The following CNKSR2 variants were observed in gnomAD, a reference collection of about 807,000 sequenced individuals.
CNKSR2 encodes the protein connector enhancer of kinase suppressor of Ras 2.
Under a neutral mutation model 84.4 loss-of-function variants are expected in CNKSR2, and 14 were observed. The ratio of observed to expected loss-of-function variants is 0.17; its 90% CI spans 0.11 to 0.26. The LOEUF (loss-of-function observed/expected upper bound fraction) is 0.26. Among genes scored for constraint, CNKSR2 ranks in the 10% least tolerant of loss-of-function variants. The probability of loss-of-function intolerance (pLI) is 1.00; values close to 1 mark genes in which losing one functional copy is unlikely to be tolerated. For missense variants in CNKSR2, 485 were observed against 771.2 expected (o/e 0.63, Z 4.40); for synonymous variants, 275 against 277.9 (o/e 0.99, Z 0.10).
intron 18 of CNKSR2, among the ~76,000 whole-genome samples, chrX:21,605,191 C>T (rs1489826189): frequency 9.0e-6 from 1 of 111,689 alleles, no homozygotes; most frequent in Non-Finnish European, 1.9e-5. Flanking sequence ...CGAACCTACA[C>T]CTGTCTGACT....
intron 11 of CNKSR2, among the ~76,000 whole-genome samples, chrX:21,540,745 G>T (rs1014377909): frequency 3.6e-5 from 4 of 111,620 alleles, no homozygotes; most frequent in African/African-American, 6.5e-5. Context: ...CAGATCATCT[G>T]TTTACTCAAA....
rs756099367 is a variant in CNKSR2 at position 21,389,700 on chromosome X, C to A, written c.64+14739C>A. On this transcript the variant is annotated intron_variant, in intron 1 of 21. Coordinates refer to ENST00000379510, the MANE Select transcript of CNKSR2 (RefSeq NM_014927.5). The stretch of plus-strand genomic sequence containing the variant: ...ATCATTGTGATAACCCAGTACTACT[C>A]ATAATTCTCAAAATGCTCCCAGGAA... Among the ~76,000 whole-genome samples, 6 of 112,299 alleles carry A rather than the reference C, an allele frequency of 5.3e-5. No homozygotes were observed. In the East Asian group the frequency reaches 1.7e-3, roughly 31 times the overall value.
intron 5 of CNKSR2, 137 bp from the exon 6 acceptor site, chrX:21,490,322 C>A (rs986073695): frequency 7.3e-6 from 4 of 551,408 alleles, no homozygotes; most frequent in African/African-American, 7.0e-5. Context: ...TTTCTTTGTA[C>A]AGATTTTACA....
chrX:21,651,132 A>G (rs911767292), intron 21 of CNKSR2, among the ~76,000 whole-genome samples: 2 of 111,729 alleles, frequency 1.8e-5, no homozygotes, highest in African/African-American at 6.5e-5. Flanking sequence ...GTGACAAAAT[A>G]TATGGCTACT....
intron 20 of CNKSR2, chrX:21,641,678 A>T: frequency 9.0e-7 from 1 of 1,112,003 alleles, no homozygotes; most frequent in Non-Finnish European, 1.2e-6. Context: ...CAGACTCAAC[A>T]TCAACCTCTT....
At chrX:21,493,211 T>C (rs2091460384) in intron 6 of CNKSR2, 1 of 112,356 alleles carries the variant, frequency 8.9e-6, no homozygotes, top group African/African-American at 3.2e-5. Context: ...TGAAACTTTC[T>C]TCTAAAGTGC....
intron 20 of CNKSR2, among the ~76,000 whole-genome samples, chrX:21,639,184 AAAAGG>A: frequency 8.9e-6 from 1 of 112,355 alleles, no homozygotes; most frequent in Non-Finnish European, 1.9e-5. Flanking sequence ...AAAGGGAGAG[AAAAGG>A]AAAGAGTGTT....
At chrX:21,650,151 A>T (rs1287565853) in intron 21 of CNKSR2, among the ~76,000 whole-genome samples, 1 of 111,570 alleles carries the variant, frequency 9.0e-6, no homozygotes, top group Non-Finnish European at 1.9e-5. Context: ...CACTGTTCAC[A>T]ATAGCAAAGA....
intron 20 of CNKSR2, among the ~76,000 whole-genome samples, chrX:21,613,910 G>A (rs1430920761): frequency 2.9e-5 from 3 of 103,460 alleles, no homozygotes; most frequent in Admixed American, 1.1e-4. Flanking sequence ...CTGCACTCCA[G>A]CCTGGATGAC....
At chrX:21,545,517 C>T (rs1391592842) in intron 11 of CNKSR2, among the ~76,000 whole-genome samples, 1 of 112,258 alleles carries the variant, frequency 8.9e-6, no homozygotes, top group Non-Finnish European at 1.9e-5. Context: ...ACATTCCTGT[C>T]TGCCAGCTCT....
At chrX:21,590,681 C>G in intron 14 of CNKSR2, 61 bp downstream of exon 14, 1 of 1,083,125 alleles carries the variant, frequency 9.2e-7, no homozygotes, top group Non-Finnish European at 1.3e-6. Context: ...CCCCAACACA[C>G]TTCATCCATG....
chrX:21,570,476 T>C (rs1043773711), intron 13 of CNKSR2, among the ~76,000 whole-genome samples: 1 of 111,940 alleles, frequency 8.9e-6, no homozygotes, highest in Non-Finnish European at 1.9e-5. Context: ...GGGAATGTTA[T>C]GGCTGGTTTG....
chrX:21,558,310 G>A (rs1196290399), intron 11 of CNKSR2, among the ~76,000 whole-genome samples: 1 of 110,614 alleles, frequency 9.0e-6, no homozygotes, highest in Non-Finnish European at 1.9e-5. Context: ...CAGTATTTCA[G>A]CACAATTAAA....
intron 13 of CNKSR2, among the ~76,000 whole-genome samples, chrX:21,571,331 A>G (rs138226249): frequency 8.0e-5 from 9 of 112,246 alleles, no homozygotes; most frequent in African/African-American, 2.9e-4. Context: ...AATGGTACCA[A>G]TAGACTCATT....
intron 1 of CNKSR2, among the ~76,000 whole-genome samples, chrX:21,391,768 G>T (rs188891266): frequency 1.8e-5 from 2 of 112,153 alleles, no homozygotes; most frequent in Non-Finnish European, 3.8e-5. Flanking sequence ...CAGAAAATGG[G>T]TTTTTCTTTT....
intron 1 of CNKSR2, among the ~76,000 whole-genome samples, chrX:21,410,700 G>T (rs761292371): frequency 9.0e-6 from 1 of 111,293 alleles, no homozygotes; most frequent in Admixed American, 9.6e-5. Flanking sequence ...TTAGTGATTA[G>T]ATGGAGAGTA....
intron 6 of CNKSR2, chrX:21,491,307 T>C (rs1439391419): frequency 8.9e-6 from 1 of 111,907 alleles, no homozygotes; most frequent in Admixed American, 9.5e-5. Flanking sequence ...ACACAACTAT[T>C]ACATGTTAGT....
At chrX:21,425,098 A>G (rs1341601232) in intron 1 of CNKSR2, 1 of 111,762 alleles carries the variant, frequency 8.9e-6, no homozygotes, top group African/African-American at 3.3e-5. Flanking sequence ...TTTAAGAAAG[A>G]AAAACAGACT....
intron 1 of CNKSR2, among the ~76,000 whole-genome samples, chrX:21,392,591 C>T (rs2090065713): frequency 2.7e-5 from 3 of 111,421 alleles, no homozygotes; most frequent in Admixed American, 9.5e-5. Context: ...AATCTGCCTC[C>T]ATGATGCAGT....
Sources: allele counts gnomAD v4.1 joint callset (sites outside exome capture counted in the v4.1 genomes callset), GRCh38; gene constraint gnomAD v4.1.1; transcripts MANE v1.5; gene names NCBI Gene and HGNC (gene_info 2026-07-23, HGNC 2026-07-21).